KIF21A: variants seen among roughly 807,000 people sequenced by gnomAD.
The protein encoded by KIF21A is kinesin-like protein KIF21A.
Under a neutral mutation model 202.9 loss-of-function variants are expected in KIF21A, and 114 were observed. The ratio of observed to expected loss-of-function variants is 0.56; its 90% CI spans 0.48 to 0.66. The LOEUF (loss-of-function observed/expected upper bound fraction) is 0.66. Among genes scored for constraint, KIF21A ranks in the 30% least tolerant of loss-of-function variants. The pLI is 0.00. For synonymous variants in KIF21A, 667 were observed against 670.8 expected, an observed-to-expected ratio of 0.99 and a Z score of 0.09; for missense variants, 1,677 against 1,994.9, an observed-to-expected ratio of 0.84 and a Z score of 3.04.
chr12:39,385,103 G>A (rs921906680), intron 1 of KIF21A, among the ~76,000 whole-genome samples: 4 of 152,036 alleles, frequency 2.6e-5, no homozygotes, highest in Admixed American at 6.6e-5. Context: ...TATTTAACTC[G>A]AGCAAAGTAA....
chr12:39,370,808 G>T (rs1248318132), intron 1 of KIF21A, among the ~76,000 whole-genome samples: 1 of 151,286 alleles, frequency 6.6e-6, no homozygotes, highest in Non-Finnish European at 1.5e-5. Flanking sequence ...CAATATATAT[G>T]TATATATATA....
At chr12:39,333,582 A>T (rs1052005905) in intron 17 of KIF21A, among the ~76,000 whole-genome samples, 1 of 152,196 alleles carries the variant, frequency 6.6e-6, no homozygotes. Context: ...TACAAATGTT[A>T]TCTTATTTAA....
chr12:39,319,315 A>C (rs1252860405), intron 28 of KIF21A, among the ~76,000 whole-genome samples: 4 of 152,186 alleles, frequency 2.6e-5, no homozygotes, highest in African/African-American at 9.6e-5. Context: ...GCATGCTGTC[A>C]TGTTGCAATT....
rs75351213 is a variant in KIF21A at position 39,391,520 on chromosome 12, C to G, written c.45-21259G>C. Among the ~76,000 whole-genome samples the G allele has an allele frequency of 6.7e-3, 1,015 of 152,084 alleles. 7 individuals are homozygous for G. Among genetic ancestry groups the G allele is most frequent in the African/African-American group, 0.023 (961 of 41,500 alleles). On this transcript the variant is annotated intron_variant, in intron 1 of 37. Transcript: ENST00000361418. Reference sequence around the variant, plus strand: ...TGGGAGGCCAAGATGGAAGAATCGCCTCAGCCCAGGAGTTTGAGACCAACC... The same window carrying G: ...TGGGAGGCCAAGATGGAAGAATCGCGTCAGCCCAGGAGTTTGAGACCAACC...
At chr12:39,325,498 A>ATTT (rs397714587) in intron 26 of KIF21A, among the ~76,000 whole-genome samples, 15 of 121,468 alleles carry the variant, frequency 1.2e-4, no homozygotes, top group East Asian at 4.8e-4. Context: ...CGCCCAGCTA[A>ATTT]TTTTTTTTTT....
At position 39,315,977 on chromosome 12, in the gene KIF21A, T is replaced by C. The variant is rs1428071552; in HGVS notation, c.3909-7A>G. ...GGAGTCACTTTCATCAGACCTATAG[T>C]GAAAGAGTTAGAATTATGAGAGAAA... On this transcript the variant is annotated splice_polypyrimidine_tract_variant and splice_region_variant and intron_variant, in intron 29 of 37. Transcript: ENST00000361418. The C allele has an allele frequency of 6.3e-7, 1 of 1,592,686 alleles. No individual in the cohort carries two copies. Among genetic ancestry groups the C allele is most frequent in the African/African-American group, 1.3e-5 (1 of 74,090 alleles).
At chr12:39,401,186 C>G (rs937272320) in intron 1 of KIF21A, among the ~76,000 whole-genome samples, 1 of 151,942 alleles carries the variant, frequency 6.6e-6, no homozygotes, top group Non-Finnish European at 1.5e-5. Context: ...CATAAGTGCT[C>G]TAGGAACCAA....
chr12:39,383,152 T>C (rs894762916), intron 1 of KIF21A, among the ~76,000 whole-genome samples: 1 of 152,248 alleles, frequency 6.6e-6, no homozygotes, highest in Non-Finnish European at 1.5e-5. Context: ...ACAAAGTATC[T>C]TTGACAAATG....
chr12:39,428,760 C>G (rs989940725), intron 1 of KIF21A, among the ~76,000 whole-genome samples: 3 of 152,068 alleles, frequency 2.0e-5, no homozygotes, highest in Non-Finnish European at 2.9e-5. Context: ...GAGATCGAAA[C>G]CATCCTGGCC....
chr12:39,319,984 T>G lies in KIF21A; in HGVS notation c.3701A>C (p.Lys1234Thr), dbSNP rs1291959900. The change falls in exon 28 of 38, where the codon AAA (lysine) becomes ACA (threonine). Residue 1234 changes from lysine (K) to threonine (T), a missense_variant. Transcript: ENST00000361418. ...TGTTACAGGAGAAGGCTCTGGAATT[T>G]TTTTTTCTGATAGAGATGACTGCCT... ...ISRQSSLSEK[K>T]IPEPSPVTRR... 2.5e-6 allele frequency: 4 copies of G among 1,607,396 alleles called. No individual in the cohort carries two copies. The East Asian group carries it at 8.9e-5, about 36-fold the overall frequency.
intron 1 of KIF21A, among the ~76,000 whole-genome samples, chr12:39,371,853 C>T (rs1302191441): frequency 6.6e-6 from 1 of 151,420 alleles, no homozygotes; most frequent in East Asian, 1.9e-4. Flanking sequence ...TGCTTGAACC[C>T]AGGAGGTGAA....
intron 1 of KIF21A, among the ~76,000 whole-genome samples, chr12:39,378,873 G>A (rs1028752395): frequency 3.3e-5 from 5 of 152,272 alleles, no homozygotes; most frequent in African/African-American, 4.8e-5. Flanking sequence ...AGGAAAAACT[G>A]CATACAGGAA....
At chr12:39,374,059 T>C (rs545668677) in intron 1 of KIF21A, among the ~76,000 whole-genome samples, 110 of 152,266 alleles carry the variant, frequency 7.2e-4, no homozygotes, top group African/African-American at 2.6e-3. Context: ...TAGGGATAGG[T>C]TCACCTTTTT....
chr12:39,411,165 G>A (rs1019663735), intron 1 of KIF21A, among the ~76,000 whole-genome samples: 3 of 152,106 alleles, frequency 2.0e-5, no homozygotes, highest in Admixed American at 2.0e-4. Context: ...GCCTCTTTTA[G>A]CTCTCAACCA....
chr12:39,309,405 G>T (rs1943789827), intron 33 of KIF21A, among the ~76,000 whole-genome samples, 181 bp downstream of exon 33: 1 of 151,454 alleles, frequency 6.6e-6, no homozygotes, highest in African/African-American at 2.4e-5. Flanking sequence ...TATTTCATTT[G>T]TCAAATTTTC....
chr12:39,353,146 G>A (rs569730023), intron 10 of KIF21A, among the ~76,000 whole-genome samples: 93 of 152,182 alleles, frequency 6.1e-4, no homozygotes, highest in South Asian at 2.9e-3. Context: ...GGAAGGCACA[G>A]TCAGCTCAGT....
intron 1 of KIF21A, among the ~76,000 whole-genome samples, chr12:39,418,320 T>A (rs570220441): frequency 2.3e-4 from 35 of 152,128 alleles, no homozygotes; most frequent in Non-Finnish European, 4.7e-4. Flanking sequence ...GCCCAGTTAG[T>A]AATTCGGTAG....
intron 7 of KIF21A, among the ~76,000 whole-genome samples, chr12:39,359,916 C>T (rs1413488346): frequency 6.6e-6 from 1 of 152,156 alleles, no homozygotes; most frequent in Non-Finnish European, 1.5e-5. Flanking sequence ...GAGTATAGAT[C>T]AGTTCAAGTG....
intron 1 of KIF21A, among the ~76,000 whole-genome samples, chr12:39,390,657 C>T (rs1344008846): frequency 6.6e-6 from 1 of 151,556 alleles, no homozygotes; most frequent in African/African-American, 2.4e-5. Flanking sequence ...AAAAGATATT[C>T]AACAAAAACT....
Sources: gnomAD v4.1 joint callset for allele counts (sites outside exome capture counted in the v4.1 genomes callset) on GRCh38, gnomAD v4.1.1 for gene constraint, MANE v1.5 for transcripts, NCBI Gene and HGNC (gene_info 2026-07-23, HGNC 2026-07-21) for gene names.